Variants in ZNF560 observed in about 807,000 individuals in gnomAD.
ZNF560 encodes the protein zinc finger protein 560.
In ZNF560, 54 loss-of-function variants were observed where a neutral mutation model predicts 81.8. The ratio of observed to expected loss-of-function variants is 0.66; its 90% CI spans 0.53 to 0.83. The LOEUF (loss-of-function observed/expected upper bound fraction) is 0.83, where lower values mean the gene tolerates loss of function less well. Among genes scored for constraint, ZNF560 ranks in the 40% least tolerant of loss-of-function variants. The pLI is 0.00. For synonymous variants in ZNF560, 321 were observed against 317.9 expected, an observed-to-expected ratio of 1.01 and a Z score of -0.10; for missense variants, 940 against 932.4, an observed-to-expected ratio of 1.01 and a Z score of -0.11.
chr19:9,490,575 A>G (rs1347221883), intron 2 of ZNF560, among the ~76,000 whole-genome samples: 1 of 152,228 alleles, frequency 6.6e-6, no homozygotes, highest in East Asian at 1.9e-4. Context: ...TGGGCCACAC[A>G]GTCTCTGTTA....
At chr19:9,490,801 A>G (rs1599679052) in intron 2 of ZNF560, among the ~76,000 whole-genome samples, 1 of 152,328 alleles carries the variant, frequency 6.6e-6, no homozygotes, top group African/African-American at 2.4e-5. Flanking sequence ...GATAAGAGTC[A>G]CCACAGGGGA....
At chr19:9,496,687 C>G (rs1302069470) in intron 2 of ZNF560, among the ~76,000 whole-genome samples, 1 of 151,540 alleles carries the variant, frequency 6.6e-6, no homozygotes, top group Non-Finnish European at 1.5e-5. Flanking sequence ...CCTGTAATCT[C>G]AGCATTTTGG....
chr19:9,456,616 A>G, the ZNF560 span, among the ~76,000 whole-genome samples: 2 of 152,318 alleles, frequency 1.3e-5, no homozygotes, highest in African/African-American at 2.4e-5. Flanking sequence ...GGACATTTCA[A>G]TCATATCTCT....
the ZNF560 span, among the ~76,000 whole-genome samples, chr19:9,454,341 A>C: frequency 1.4e-3 from 212 of 152,256 alleles, 10 homozygotes; most frequent in South Asian, 0.043. Context: ...CTGTGTCTTT[A>C]TTCCTCTAGC....
rs1163476610 is a variant in ZNF560, at chr19:9,469,098, A to T, written c.612+7T>A. On this transcript the variant is annotated splice_region_variant and intron_variant, in intron 9 of 9. Transcript: ENST00000301480. ...GAAAAATAAGAAAGTTCTTTTGTTA[A>T]TCTTACCAACTGTATCCCATTTAAT... 6.3e-7 allele frequency: 1 copy of T among 1,575,680 alleles called. No homozygotes were observed. Among genetic ancestry groups the T allele is most frequent in the Non-Finnish European group, 8.6e-7 (1 of 1,159,354 alleles).
At chr19:9,483,600 C>A in intron 2 of ZNF560, among the ~76,000 whole-genome samples, 1 of 113,868 alleles carries the variant, frequency 8.8e-6, no homozygotes, top group Non-Finnish European at 2.2e-5. Context: ...AGCCCCCGCC[C>A]GGCCAGCCGC....
At chr19:9,452,616 T>A in the ZNF560 span, among the ~76,000 whole-genome samples, 1 of 152,200 alleles carries the variant, frequency 6.6e-6, no homozygotes, top group Non-Finnish European at 1.5e-5. Context: ...TGGTTGAAGT[T>A]GGAGGTGATC....
At chr19:9,459,891 C>T in the ZNF560 span, among the ~76,000 whole-genome samples, 1 of 152,110 alleles carries the variant, frequency 6.6e-6, no homozygotes, top group Non-Finnish European at 1.5e-5. Context: ...GTTCCATAGG[C>T]CACAAGGGGT....
the ZNF560 span, among the ~76,000 whole-genome samples, chr19:9,458,035 C>T: frequency 6.6e-6 from 1 of 152,172 alleles, no homozygotes; most frequent in African/African-American, 2.4e-5. Flanking sequence ...TGTGGCGTAG[C>T]TTTTCCTTCC....
chr19:9,466,658 C>T lies in ZNF560; in HGVS notation c.2289G>A (p.Met763Ile), dbSNP rs866489063. Reference protein sequence around the residue: ...SGRIQHLRTHMGEKPFECDQC... With the variant: ...SGRIQHLRTHIGEKPFECDQC... ...GGTCACATTCAAAGGGTTTCTCTCC[C>T]ATATGAGTTCTTAAATGTTGAATAC... The change falls in exon 10 of 10, where the codon ATG becomes ATA. Residue 763 changes from methionine (M) to isoleucine (I), a missense_variant. Transcript: ENST00000301480. 6.2e-7 allele frequency: 1 copy of T among 1,613,602 alleles called. No homozygotes were observed. Among genetic ancestry groups the T allele is most frequent in the Non-Finnish European group, 8.5e-7 (1 of 1,179,782 alleles).
At chr19:9,493,134 TAGAA>T (rs2073498478) in intron 2 of ZNF560, among the ~76,000 whole-genome samples, 1 of 151,958 alleles carries the variant, frequency 6.6e-6, no homozygotes. Flanking sequence ...CCATACCACT[TAGAA>T]AGGTTAACAA....
intron 4 of ZNF560, among the ~76,000 whole-genome samples, chr19:9,473,841 A>G (rs1365771026): frequency 1.3e-5 from 2 of 152,222 alleles, no homozygotes; most frequent in Admixed American, 6.5e-5. Flanking sequence ...AAAAGAAAAA[A>G]AGTGAAACAA....
At chr19:9,452,243 T>C in the ZNF560 span, among the ~76,000 whole-genome samples, 1 of 152,154 alleles carries the variant, frequency 6.6e-6, no homozygotes. Flanking sequence ...TCATAATGGC[T>C]ACTATTTAAA....
chr19:9,474,894 T>C (rs76949828), intron 3 of ZNF560, among the ~76,000 whole-genome samples: 5,161 of 138,292 alleles, frequency 0.037, 134 homozygotes, highest in Non-Finnish European at 0.054. Context: ...CTCAAATTCC[T>C]AAGATCAAGC....
chr19:9,474,427 G>A (rs1405895565), intron 3 of ZNF560, 102 bp from the exon 4 acceptor site: 144 of 1,330,914 alleles, frequency 1.1e-4, no homozygotes, highest in Non-Finnish European at 1.4e-4. Context: ...GAGTTGTGAG[G>A]TCTCTCATTA....
At chr19:9,455,103 A>G in the ZNF560 span, among the ~76,000 whole-genome samples, 9 of 152,148 alleles carry the variant, frequency 5.9e-5, no homozygotes, top group Admixed American at 6.5e-5. Context: ...TCAGCAAGCT[A>G]GAAGAGAGGG....
upstream of ZNF560, among the ~76,000 whole-genome samples, chr19:9,500,361 T>C (rs1599690389): frequency 7.8e-6 from 1 of 128,628 alleles, no homozygotes. Context: ...TCCATTGCAC[T>C]CCAGCCTGGG....
chr19:9,495,888 CAG>C (rs1218085111), intron 2 of ZNF560, among the ~76,000 whole-genome samples: 6 of 152,014 alleles, frequency 3.9e-5, no homozygotes, highest in Non-Finnish European at 8.8e-5. Context: ...AACAAACAAA[CAG>C]AAAAAACAAA....
chr19:9,479,808 TCAAA>T (rs761723247), intron 2 of ZNF560, among the ~76,000 whole-genome samples: 31 of 151,976 alleles, frequency 2.0e-4, no homozygotes, highest in Non-Finnish European at 3.8e-4. Flanking sequence ...TGCATGATTT[TCAAA>T]CAAATACAAC....
Sources: gnomAD v4.1 joint callset for allele counts (sites outside exome capture counted in the v4.1 genomes callset) on GRCh38, gnomAD v4.1.1 for gene constraint, MANE v1.5 for transcripts, NCBI Gene and HGNC (gene_info 2026-07-23, HGNC 2026-07-21) for gene names.